UFL1: variants seen among roughly 807,000 people sequenced by gnomAD.
UFL1 encodes the protein E3 UFM1-protein ligase 1.
A neutral mutation model predicts 99.3 loss-of-function variants in UFL1; 78 were observed. That is an observed-to-expected ratio of 0.79 (90% CI 0.65 to 0.95). The LOEUF is 0.95. UFL1 is among the 40% of genes least tolerant of loss of function. The pLI, the probability that UFL1 is intolerant of heterozygous loss-of-function variation, is 0.00. For missense variants in UFL1, 936 were observed against 937.0 expected, an observed-to-expected ratio of 1.00 and a Z score of 0.01; for synonymous variants, 335 against 322.2, an observed-to-expected ratio of 1.04 and a Z score of -0.42.
At chr6:96,542,322 C>T (rs55992366) in intron 11 of UFL1, among the ~76,000 whole-genome samples, 1 of 151,204 alleles carries the variant, frequency 6.6e-6, no homozygotes, top group African/African-American at 2.4e-5. Context: ...TTATGTTTCA[C>T]GCATTTCTGT....
chr6:96,552,983 A>G (rs1281899169), intron 18 of UFL1, among the ~76,000 whole-genome samples: 1 of 152,070 alleles, frequency 6.6e-6, no homozygotes, highest in Admixed American at 6.6e-5. Context: ...TTTTAGCTAA[A>G]AAACCCCTCA....
chr6:96,524,318 T>TA, intron 2 of UFL1, 64 bp from the exon 3 acceptor site: 1 of 1,453,354 alleles, frequency 6.9e-7, no homozygotes, highest in Non-Finnish European at 9.3e-7. Context: ...TGTTAGAATT[T>TA]ATAGCTTTGG....
At chr6:96,546,655 T>C (rs1012033665) in intron 12 of UFL1, among the ~76,000 whole-genome samples, 13 of 151,610 alleles carry the variant, frequency 8.6e-5, no homozygotes, top group Non-Finnish European at 1.5e-5. Context: ...ATGGTACTGC[T>C]AGAAAAATGG....
intron 13 of UFL1, among the ~76,000 whole-genome samples, chr6:96,549,077 A>T (rs1310905107): frequency 1.3e-5 from 2 of 151,730 alleles, no homozygotes; most frequent in Non-Finnish European, 2.9e-5. Context: ...GAGAATTTTA[A>T]GTTGTAATTC....
intron 7 of UFL1, among the ~76,000 whole-genome samples, chr6:96,535,075 A>G (rs917366992): frequency 1.3e-5 from 2 of 152,114 alleles, no homozygotes; most frequent in African/African-American, 4.8e-5. Flanking sequence ...TCTTCAAATA[A>G]TAATTGGTAA....
intron 7 of UFL1, among the ~76,000 whole-genome samples, chr6:96,535,758 G>A (rs1769843830): frequency 1.3e-5 from 2 of 152,032 alleles, no homozygotes; most frequent in South Asian, 2.1e-4. Flanking sequence ...AGCGGAAATG[G>A]AATAACTCTT....
At chr6:96,535,978 T>C (rs1769847042) in intron 7 of UFL1, among the ~76,000 whole-genome samples, 1 of 152,050 alleles carries the variant, frequency 6.6e-6, no homozygotes, top group Admixed American at 6.6e-5. Context: ...AAAATTTCAG[T>C]GTTAACATTA....
rs769980249 is a variant in UFL1 at position 96,521,850 on chromosome 6, G to C, written c.-24G>C. On this transcript the variant is annotated 5_prime_UTR_variant, in exon 1 of 19. Coordinates refer to ENST00000369278, the MANE Select transcript of UFL1 (RefSeq NM_015323.5). ...CGGCTGACGTGTCTGCAGTTCCTCC[G>C]CGTCTACTGCGAGTCAGGCCGTGAT... 6.2e-7 allele frequency: 1 copy of C among 1,606,384 alleles called. No homozygotes were observed. Among genetic ancestry groups the C allele is most frequent in the Non-Finnish European group, 8.5e-7 (1 of 1,177,200 alleles).
chr6:96,544,675 C>A (rs1490534203), intron 12 of UFL1, among the ~76,000 whole-genome samples: 1 of 150,936 alleles, frequency 6.6e-6, no homozygotes, highest in Non-Finnish European at 1.5e-5. Flanking sequence ...TAGCTTTATC[C>A]TTATTTCAAA....
At chr6:96,537,192 C>T (rs2127951078) in intron 8 of UFL1, among the ~76,000 whole-genome samples, 182 bp from the exon 9 acceptor site, 1 of 151,798 alleles carries the variant, frequency 6.6e-6, no homozygotes, top group East Asian at 1.9e-4. Context: ...CAATTATAAT[C>T]ATGGATTAGA....
chr6:96,524,499 A>G (rs1582436149), intron 3 of UFL1, 89 bp downstream of exon 3: 1 of 996,032 alleles, frequency 1.0e-6, no homozygotes, highest in East Asian at 2.8e-5. Context: ...TGCTGGTATC[A>G]TATTTTGTGT....
chr6:96,525,245 C>T (rs938003106), intron 3 of UFL1, 52 bp from the exon 4 acceptor site: 1 of 1,374,868 alleles, frequency 7.3e-7, no homozygotes, highest in Admixed American at 2.0e-5. Flanking sequence ...TAATTTCAAG[C>T]TTAAGAAACA....
At position 96,532,749 on chromosome 6, in the gene UFL1, C is replaced by G. The variant is rs548386794; in HGVS notation, c.597-1514C>G. On this transcript the variant is annotated intron_variant, in intron 6 of 18. Transcript: ENST00000369278. ...ATGTAGCTGCTCAATCTTGAACTTT[C>G]CAGTCACCAGAATCATGAGCCAAAT... is the stretch of plus-strand genomic sequence containing the variant. Among the ~76,000 whole-genome samples, 3 of 152,286 alleles carry G rather than the reference C, an allele frequency of 2.0e-5. No individual in the cohort carries two copies. In the South Asian group the frequency reaches 6.2e-4, roughly 32 times the overall value.
rs568895280 is a variant in UFL1 at position 96,547,081 on chromosome 6, G to A, written c.1403-1083G>A. Among the ~76,000 whole-genome samples, 16 of 151,462 alleles carry A rather than the reference G, an allele frequency of 1.1e-4. No homozygotes were observed. The East Asian group carries it at 1.2e-3, about 11-fold the overall frequency. ...CTTCAGAATGGGAGAAAATATATGC[G>A]AATTATGCTTCTGACAAAGGACTAA... is the stretch of plus-strand genomic sequence containing the variant. On this transcript the variant is annotated intron_variant, in intron 12 of 18. Transcript: ENST00000369278.
In UFL1 at chr6:96,551,882, T is replaced by A. The variant is rs746641367; in HGVS notation, c.1944T>A (p.Ala648=). 2 of 1,610,214 alleles carry A rather than the reference T, an allele frequency of 1.2e-6. No homozygotes were observed. The highest frequency in any genetic ancestry group is 1.7e-6 in the Non-Finnish European group (2 of 1,177,650). ...CTTGTCTGGATTCTGCAGCAGAAGCTTGTGATATTATGGTGAAAAGGGGAG... is the reference window on the plus strand; with the variant it reads ...CTTGTCTGGATTCTGCAGCAGAAGCATGTGATATTATGGTGAAAAGGGGAG... The part of the protein sequence containing the change: ...FISCLDSAAE[A]CDIMVKRGDK... The change falls in exon 17 of 19, where the codon GCT becomes GCA. Residue 648 remains alanine (A), a synonymous_variant. Transcript: ENST00000369278.
At chr6:96,552,408 A>G (rs971590250) in intron 17 of UFL1, 74 bp from the exon 18 acceptor site, 7 of 1,433,374 alleles carry the variant, frequency 4.9e-6, no homozygotes, top group East Asian at 2.5e-5. Context: ...AAATTAACAG[A>G]AAGGGATGAA....
chr6:96,532,692 C>T (rs371029794), intron 6 of UFL1, among the ~76,000 whole-genome samples: 1 of 152,114 alleles, frequency 6.6e-6, no homozygotes, highest in Non-Finnish European at 1.5e-5. Flanking sequence ...CACTTACCAC[C>T]GTAAATTGAA....
At chr6:96,552,017 G>C in intron 17 of UFL1, 94 bp downstream of exon 17, 1 of 821,638 alleles carries the variant, frequency 1.2e-6, no homozygotes. Flanking sequence ...CTTACACAGA[G>C]AATATGTACC....
intron 12 of UFL1, among the ~76,000 whole-genome samples, chr6:96,543,792 T>G (rs942510021): frequency 2.6e-5 from 4 of 151,104 alleles, no homozygotes; most frequent in African/African-American, 7.3e-5. Flanking sequence ...TGGTCCATAC[T>G]GCAAGTTAAT....
Sources: gnomAD v4.1 joint callset for allele counts (sites outside exome capture counted in the v4.1 genomes callset) on GRCh38, gnomAD v4.1.1 for gene constraint, MANE v1.5 for transcripts, NCBI Gene and HGNC (gene_info 2026-07-23, HGNC 2026-07-21) for gene names.